FBLN5: variants seen among roughly 807,000 people sequenced by gnomAD.
FBLN5 encodes fibulin 5, also known as fibulin-5.
FBLN5 carries 24 observed loss-of-function variants against 61.6 expected under a neutral mutation model. That is an observed-to-expected ratio of 0.39 (90% CI 0.28 to 0.55). FBLN5 has a LOEUF of 0.55. FBLN5 is among the 20% of genes least tolerant of loss of function. The pLI is 0.65. For missense variants in FBLN5, 470 were observed against 594.1 expected, an observed-to-expected ratio of 0.79 and a Z score of 2.17; for synonymous variants, 213 against 219.8, an observed-to-expected ratio of 0.97 and a Z score of 0.27.
At chr14:91,918,777 A>T (rs1207596688) in intron 4 of FBLN5, among the ~76,000 whole-genome samples, 3 of 152,278 alleles carry the variant, frequency 2.0e-5, no homozygotes, top group African/African-American at 7.2e-5. Context: ...AACATTATTG[A>T]CCCTGTTCTA....
At chr14:91,924,888 C>T (rs994146869) in intron 4 of FBLN5, among the ~76,000 whole-genome samples, 3 of 152,164 alleles carry the variant, frequency 2.0e-5, no homozygotes, top group Admixed American at 2.0e-4. Context: ...CCACCCCTCA[C>T]TCAGCTCAGA....
intron 7 of FBLN5, among the ~76,000 whole-genome samples, chr14:91,885,628 A>AT (rs962822787): frequency 9.9e-5 from 15 of 152,094 alleles, no homozygotes; most frequent in Non-Finnish European, 1.5e-4. Flanking sequence ...TGGCTGGTTG[A>AT]TTTTTTTTAA....
intron 4 of FBLN5, among the ~76,000 whole-genome samples, chr14:91,898,985 G>A (rs185935566): frequency 7.6e-4 from 115 of 151,890 alleles, no homozygotes; most frequent in South Asian, 2.3e-3. Context: ...TGTATTTTTA[G>A]TAGAGATGGG....
chr14:91,923,934 C>T (rs868258949), intron 4 of FBLN5, among the ~76,000 whole-genome samples: 7 of 152,222 alleles, frequency 4.6e-5, no homozygotes, highest in African/African-American at 9.6e-5. Flanking sequence ...AACAAAGTGT[C>T]CCATACCTAC....
intron 3 of FBLN5, chr14:91,939,995 C>A: frequency 2.2e-6 from 1 of 453,318 alleles, no homozygotes; most frequent in Non-Finnish European, 4.4e-6. Flanking sequence ...ACGCTTGACT[C>A]GCTGTGTTGG....
At chr14:91,904,519 A>T (rs1216485167) in intron 4 of FBLN5, among the ~76,000 whole-genome samples, 1 of 152,268 alleles carries the variant, frequency 6.6e-6, no homozygotes, top group South Asian at 2.1e-4. Context: ...TGCGTGTCTT[A>T]GTCCTGTGGG....
chr14:91,910,166 T>G (rs1890859058), intron 4 of FBLN5, among the ~76,000 whole-genome samples: 1 of 152,186 alleles, frequency 6.6e-6, no homozygotes, highest in Non-Finnish European at 1.5e-5. Flanking sequence ...ATGTGGTACA[T>G]TCACATGAGG....
chr14:91,873,485 C>T (rs1889030734), intron 10 of FBLN5: 1 of 152,424 alleles, frequency 6.6e-6, no homozygotes, highest in East Asian at 1.9e-4. Flanking sequence ...CTGTACCTCT[C>T]CATTTACTCA....
intron 5 of FBLN5, 124 bp downstream of exon 5, chr14:91,894,826 T>TCCCCCCCCCC: frequency 6.3e-6 from 1 of 159,364 alleles, no homozygotes; most frequent in Admixed American, 7.1e-5. Flanking sequence ...CTTCCACCCC[T>TCCCCCCCCCC]CCCGCCCTCC....
intron 6 of FBLN5, among the ~76,000 whole-genome samples, chr14:91,888,294 G>C (rs1889822615): frequency 6.7e-6 from 1 of 149,576 alleles, no homozygotes; most frequent in Non-Finnish European, 1.5e-5. Context: ...GTGAGACCCT[G>C]TCTCAAAAAA....
At position 91,877,559 on chromosome 14, in the gene FBLN5, C is replaced by T. The variant is rs560780691; in HGVS notation, c.1113G>A (p.Thr371=). The change falls in exon 10 of 11, where the codon ACG becomes ACA. Residue 371 remains threonine (T), a synonymous_variant. Coordinates refer to ENST00000342058, the MANE Select transcript of FBLN5 (RefSeq NM_006329.4). ...TGTAATAGGCCCCAGGGTAGCGGGT[C>T]GTGGCTTGCATTTGGAAGATGTCAG... is the stretch of plus-strand genomic sequence containing the variant. The part of the protein sequence containing the change: ...VPADIFQMQA[T]TRYPGAYYIF... 317 of 1,614,140 alleles carry T rather than the reference C, an allele frequency of 2.0e-4. 2 individuals are homozygous for T. In the East Asian group the frequency reaches 2.8e-3, roughly 14 times the overall value.
rs1490764211 is a variant in FBLN5 at position 91,869,508 on chromosome 14, C to T, written c.*716G>A. The stretch of plus-strand genomic sequence containing the variant: ...AAGATTAAGGGGTCCTCAAAGAAAA[C>T]ACTGGGCTAAAATGGAGAGGAGACT... On this transcript the variant is annotated 3_prime_UTR_variant, in exon 11 of 11. Coordinates refer to ENST00000342058, the MANE Select transcript of FBLN5 (RefSeq NM_006329.4). 2 of 152,346 alleles carry T rather than the reference C, an allele frequency of 1.3e-5. No homozygotes were observed. The highest frequency in any genetic ancestry group is 2.9e-5 in the Non-Finnish European group (2 of 68,224). The allele number at this position is 152,346 out of a possible 1,614,324, so 9.4% of individuals were successfully genotyped here.
At chr14:91,877,957 A>C (rs186441126) in intron 9 of FBLN5, 8 of 550,100 alleles carry the variant, frequency 1.5e-5, no homozygotes, top group Admixed American at 1.1e-4. Context: ...GAACATTAGA[A>C]CATTCTCCAA....
At chr14:91,891,001 G>T (rs1418767743) in intron 6 of FBLN5, among the ~76,000 whole-genome samples, 1 of 152,184 alleles carries the variant, frequency 6.6e-6, no homozygotes, top group African/African-American at 2.4e-5. Context: ...GTGGAGGATT[G>T]GGGTCCTACC....
At chr14:91,890,707 A>C (rs1013916615) in intron 6 of FBLN5, among the ~76,000 whole-genome samples, 5 of 152,236 alleles carry the variant, frequency 3.3e-5, no homozygotes, top group African/African-American at 1.2e-4. Context: ...CACCACCACC[A>C]GACCCTTTGC....
chr14:91,882,982 G>C lies in FBLN5; in HGVS notation c.834C>G (p.Ile278Met), dbSNP rs1889546743. ...TYFCSCPPGY[I>M]LLDDNRSCQD... is the part of the protein sequence containing the mutation. ...GGCAGCTTCGGTTGTCATCCAGCAGGATGTAGCCTGGAGGGCAGGAGCAGA... is the reference window on the plus strand; with the variant it reads ...GGCAGCTTCGGTTGTCATCCAGCAGCATGTAGCCTGGAGGGCAGGAGCAGA... Residue 278 changes from isoleucine to methionine, a missense_variant, in exon 8 of 11, where the codon ATC (isoleucine) becomes ATG (methionine). Ile to Met is a conservative substitution (Grantham distance 10). Coordinates refer to ENST00000342058, the MANE Select transcript of FBLN5 (RefSeq NM_006329.4). This position sits in a 1 kb window ranked among gnomAD's most constrained non-coding sequence, Gnocchi z 4.9. 16 of 1,613,990 alleles carry C rather than the reference G, an allele frequency of 9.9e-6. No individual in the cohort carries two copies. The highest frequency in any genetic ancestry group is 1.4e-5 in the Non-Finnish European group (16 of 1,179,968).
chr14:91,905,154 C>A (rs548856716), intron 4 of FBLN5, among the ~76,000 whole-genome samples: 2 of 152,144 alleles, frequency 1.3e-5, no homozygotes, highest in Non-Finnish European at 2.9e-5. Flanking sequence ...TCATGAAATA[C>A]GCACGTGCAC....
intron 4 of FBLN5, among the ~76,000 whole-genome samples, chr14:91,902,391 A>G (rs1050558246): frequency 1.3e-5 from 2 of 150,768 alleles, no homozygotes; most frequent in African/African-American, 2.5e-5. Flanking sequence ...AATTTTTGCC[A>G]TTTGTCTATC....
intron 2 of FBLN5, chr14:91,941,890 A>G (rs1364232659): frequency 6.7e-6 from 2 of 300,166 alleles, no homozygotes; most frequent in African/African-American, 4.4e-5. Flanking sequence ...CTTGGGGCCT[A>G]CCTGTCTTCA....
Sources: allele counts gnomAD v4.1 joint callset (sites outside exome capture counted in the v4.1 genomes callset), GRCh38; gene constraint gnomAD v4.1.1; non-coding constraint Gnocchi (gnomAD v3.1); transcripts MANE v1.5; gene names NCBI Gene and HGNC (gene_info 2026-07-23, HGNC 2026-07-21).